Variants in ADGRF3 observed in about 807,000 individuals in gnomAD.
ADGRF3 encodes the protein G protein-coupled receptor 113.
ADGRF3 carries 85 observed loss-of-function variants against 93.2 expected under a neutral mutation model. The ratio of observed to expected loss-of-function variants is 0.91; its 90% CI spans 0.77 to 1.09. ADGRF3 has a LOEUF of 1.09. ADGRF3 is among the 50% of genes least tolerant of loss of function. The pLI is 0.00. For synonymous variants in ADGRF3, 534 were observed against 532.5 expected (o/e 1.00, Z -0.04); for missense variants, 1,125 against 1,246.2 (o/e 0.90, Z 1.46).
At chr2:26,318,913 C>T (rs990883055) in intron 1 of ADGRF3, 1 of 1,551,338 alleles carries the variant, frequency 6.4e-7, no homozygotes, top group Non-Finnish European at 8.7e-7. Flanking sequence ...AATCAGGGGT[C>T]CCCATTGTCG....
chr2:26,346,127 G>T lies in ADGRF3; in HGVS notation c.108C>A (p.Pro36=). The change falls in exon 1 of 14, where the codon CCC becomes CCA. Residue 36 remains proline (P), a synonymous_variant. Transcript: ENST00000651242. ...CGGAGCGCGGCTCTCCTACCTTCTC[G>T]GGCAGCCCAGTCTTTGCCATCCTTG... The part of the protein sequence containing the change: ...GWARMAKTGL[P]EKGQSQAGGE... The T allele has an allele frequency of 1.3e-6, 2 of 1,590,968 alleles. No individual in the cohort carries two copies. The highest frequency in any genetic ancestry group is 2.3e-5 in the South Asian group (2 of 88,130).
rs1335289402 is a variant in ADGRF3 at position 26,346,433 on chromosome 2, C to T, written c.-199G>A. Reference sequence around the variant, plus strand: ...CGTTCCTCCGGAGGTCCTGCGGGTCCTGGGGATTGGGGGTCGGGGAGCGTG... The same window carrying T: ...CGTTCCTCCGGAGGTCCTGCGGGTCTTGGGGATTGGGGGTCGGGGAGCGTG... On this transcript the variant is annotated 5_prime_UTR_variant, in exon 1 of 14. Coordinates refer to ENST00000651242, the MANE Select transcript of ADGRF3 (RefSeq NM_001321971.2). 1 of 1,039,754 alleles carries T rather than the reference C, an allele frequency of 9.6e-7. No individual in the cohort carries two copies. Among genetic ancestry groups the T allele is most frequent in the Non-Finnish European group, 1.3e-6 (1 of 755,254 alleles). 64.4% of individuals were successfully genotyped at this position (1,039,754 alleles called of 1,614,324 possible). A position where few individuals can be genotyped will look rare whatever the true frequency, so the allele number is the denominator to read the frequency against.
At chr2:26,329,632 ATTTGT>A (rs1349091750) in intron 1 of ADGRF3, among the ~76,000 whole-genome samples, 6 of 152,290 alleles carry the variant, frequency 3.9e-5, no homozygotes, top group South Asian at 2.1e-4. Context: ...TACATAATAC[ATTTGT>A]TTTGTTTTAA....
chr2:26,315,449 C>A, intron 5 of ADGRF3, 73 bp downstream of exon 5: 2 of 1,461,170 alleles, frequency 1.4e-6, no homozygotes, highest in Non-Finnish European at 9.2e-7. Context: ...TGAAGGAAAG[C>A]AGAGAAGGAA....
In ADGRF3 at chr2:26,312,036, G is replaced by A. The variant is rs1362400658; in HGVS notation, c.1488C>T (p.Asp496=). 1.2e-6 allele frequency: 2 copies of A among 1,612,558 alleles called. No individual in the cohort carries two copies. Among genetic ancestry groups the A allele is most frequent in the East Asian group, 4.5e-5 (2 of 44,870 alleles). ...GGGCCAGGGTCCACAGAGACCTGGT[G>A]TCCATATCTAGGACCTTGTCTGTGG... ...LIATDKVLDM[D]TRSLWTLAQA... is the part of the protein sequence containing the mutation. The change falls in exon 10 of 14, where the codon GAC becomes GAT. Residue 496 remains aspartate (D), a synonymous_variant. Coordinates refer to ENST00000651242, the MANE Select transcript of ADGRF3 (RefSeq NM_001321971.2).
chr2:26,321,073 C>CA (rs1195713295), intron 1 of ADGRF3, among the ~76,000 whole-genome samples: 1 of 150,982 alleles, frequency 6.6e-6, no homozygotes, highest in East Asian at 1.9e-4. Context: ...TTTTTTTAAT[C>CA]AAAAAAAGTT....
intron 1 of ADGRF3, among the ~76,000 whole-genome samples, chr2:26,341,015 C>G (rs970882898): frequency 6.6e-6 from 1 of 152,160 alleles, no homozygotes; most frequent in Non-Finnish European, 1.5e-5. Flanking sequence ...AATGTTTAAA[C>G]TGTCTCTAGA....
In ADGRF3 at chr2:26,309,060, T is replaced by G; in HGVS notation, c.*26A>C. 6.2e-7 allele frequency: 1 copy of G among 1,614,026 alleles called. No homozygotes were observed. The highest frequency in any genetic ancestry group is 1.1e-5 in the South Asian group (1 of 91,088). ...TTCAAGCACACAGCCTCAACTCCCTTGCAGGAACATGGGTCCGTGTGTGGT... is the reference window on the plus strand; with the variant it reads ...TTCAAGCACACAGCCTCAACTCCCTGGCAGGAACATGGGTCCGTGTGTGGT... On this transcript the variant is annotated 3_prime_UTR_variant, in exon 14 of 14. Transcript: ENST00000651242.
chr2:26,346,355 C>A lies in ADGRF3; in HGVS notation c.-121G>T, dbSNP rs755725212. 8.5e-6 allele frequency: 13 copies of A among 1,523,684 alleles called. No individual in the cohort carries two copies. In the African/African-American group the frequency reaches 1.5e-4, roughly 18 times the overall value. The allele number at this position is 1,523,684 out of a possible 1,614,324, so 94.4% of individuals were successfully genotyped here. On this transcript the variant is annotated 5_prime_UTR_variant, in exon 1 of 14. Transcript: ENST00000651242. ...CTCGCCCAGGCGGCTGAGGGGCCCG[C>A]GCGGCGCGGTCCGTGTCACCTTGTG...
chr2:26,318,697 TGA>T (rs1480349718), intron 1 of ADGRF3, among the ~76,000 whole-genome samples: 13 of 152,314 alleles, frequency 8.5e-5, no homozygotes, highest in African/African-American at 2.6e-4. Flanking sequence ...CTTGACTGAA[TGA>T]GACTTTATCC....
intron 1 of ADGRF3, among the ~76,000 whole-genome samples, chr2:26,330,167 C>G (rs943885731): frequency 4.6e-5 from 7 of 152,176 alleles, no homozygotes; most frequent in Non-Finnish European, 7.3e-5. Context: ...AAAACCTTTA[C>G]GGTGCTATTC....
In ADGRF3 at chr2:26,328,612, C is replaced by T. The variant is rs140871037; in HGVS notation, c.115-11050G>A. ...GGGACCACAGGTGCATGCCCACACC[C>T]GGCTAATTTTGTGGTATTTTTAGTA... On this transcript the variant is annotated intron_variant, in intron 1 of 13. Coordinates refer to ENST00000651242, the MANE Select transcript of ADGRF3 (RefSeq NM_001321971.2). 3.9e-3 allele frequency among the ~76,000 whole-genome samples: 593 copies of T among 152,256 alleles called. 2 individuals carry two copies. The highest frequency in any genetic ancestry group is 6.3e-3 in the African/African-American group (263 of 41,566).
At chr2:26,317,191 T>C (rs1674778098) in intron 2 of ADGRF3, 136 bp from the exon 3 acceptor site, 15 of 917,524 alleles carry the variant, frequency 1.6e-5, no homozygotes, top group Non-Finnish European at 4.9e-6. Context: ...CAGGTGCATA[T>C]AGACAGGGCT....
rs71399385 is a variant in ADGRF3 at position 26,336,315 on chromosome 2, A to AGTGTGT, written c.114+9800_114+9805dup. ...AATCCTGCATTCTGGGGAGATCAAG[A>AGTGTGT]GTGTGTGTGTGTGTGTGTGTGAGTG... On this transcript the variant is annotated intron_variant, in intron 1 of 13. Coordinates refer to ENST00000651242, the MANE Select transcript of ADGRF3 (RefSeq NM_001321971.2). Among the ~76,000 whole-genome samples, 1,133 of 148,670 alleles carry AGTGTGT rather than the reference A, an allele frequency of 7.6e-3. 8 individuals carry two copies. The highest frequency in any genetic ancestry group is 0.012 in the Non-Finnish European group (827 of 67,126).
Position 26,318,922 on chromosome 2 carries a change from C to T in ADGRF3, c.115-1360G>A, listed in dbSNP as rs773753429. ...TCTCCCAATCAGGGGTCCCCATTGT[C>T]GCCTCTGCAGACCTTCCCTGGGTCT... is the stretch of plus-strand genomic sequence containing the variant. On this transcript the variant is annotated intron_variant, in intron 1 of 13. Transcript: ENST00000651242. The T allele has an allele frequency of 1.0e-4, 155 of 1,551,450 alleles. No individual in the cohort carries two copies. Among genetic ancestry groups the T allele is most frequent in the East Asian group, 3.4e-4 (14 of 40,932 alleles).
chr2:26,309,366 T>A, intron 13 of ADGRF3, 160 bp downstream of exon 13: 1 of 1,487,912 alleles, frequency 6.7e-7, no homozygotes, highest in Non-Finnish European at 8.9e-7. Flanking sequence ...CTCCCAGCCA[T>A]CTAGCAATGG....
At chr2:26,328,856 T>G (rs1675600419) in intron 1 of ADGRF3, among the ~76,000 whole-genome samples, 1 of 152,246 alleles carries the variant, frequency 6.6e-6, no homozygotes, top group Admixed American at 6.5e-5. Context: ...TATCTTCAAG[T>G]TGACTGACTT....
chr2:26,316,106 T>G (rs1674630279), intron 4 of ADGRF3, 169 bp downstream of exon 4: 1 of 691,218 alleles, frequency 1.4e-6, no homozygotes, highest in Admixed American at 2.9e-5. Flanking sequence ...CTACTCAGGT[T>G]CCAAGCTCAG....
chr2:26,344,662 T>C (rs558140654), intron 1 of ADGRF3, among the ~76,000 whole-genome samples: 1 of 152,246 alleles, frequency 6.6e-6, no homozygotes, highest in South Asian at 2.1e-4. Flanking sequence ...CGGGCGCCCA[T>C]TCTTCAAAAA....
Sources: allele counts gnomAD v4.1 joint callset (sites outside exome capture counted in the v4.1 genomes callset), GRCh38; gene constraint gnomAD v4.1.1; transcripts MANE v1.5; gene names NCBI Gene and HGNC (gene_info 2026-07-23, HGNC 2026-07-21).